The following SPAG16 variants were observed in gnomAD, a reference collection of about 807,000 sequenced individuals.
SPAG16 encodes sperm-associated antigen 16 protein.
In SPAG16, 86 loss-of-function variants were observed where a neutral mutation model predicts 80.4. That is an observed-to-expected ratio of 1.07 (90% CI 0.90 to 1.28). SPAG16 has a LOEUF of 1.28. SPAG16 is among the 50% of genes most tolerant of loss of function. SPAG16 has a pLI of 0.00. For missense variants in SPAG16, 870 were observed against 765.3 expected, an observed-to-expected ratio of 1.14 and a Z score of -1.61; for synonymous variants, 294 against 265.9, an observed-to-expected ratio of 1.11 and a Z score of -1.03.
intron 6 of SPAG16, among the ~76,000 whole-genome samples, chr2:213,344,270 C>T (rs1374004285): frequency 6.6e-6 from 1 of 152,114 alleles, no homozygotes; most frequent in South Asian, 2.1e-4. Flanking sequence ...AGTGCTTCCT[C>T]TACTGTCTGC....
chr2:214,173,717 T>A (rs976550656), intron 15 of SPAG16, among the ~76,000 whole-genome samples: 1 of 151,844 alleles, frequency 6.6e-6, no homozygotes, highest in African/African-American at 2.4e-5. Flanking sequence ...CCTCCCTAAC[T>A]CATTTTATGA....
chr2:214,202,585 C>CCCCAAAATCCATAGAGGT (rs2058039840), intron 15 of SPAG16, among the ~76,000 whole-genome samples: 2 of 152,114 alleles, frequency 1.3e-5, no homozygotes, highest in African/African-American at 4.8e-5. Context: ...AAGATTGAAG[C>CCCCAAAATCCATAGAGGT]CCCAAAATCC....
intron 8 of SPAG16, among the ~76,000 whole-genome samples, chr2:213,365,752 CCAAT>C (rs1448617342): frequency 6.6e-6 from 1 of 151,802 alleles, no homozygotes; most frequent in Non-Finnish European, 1.5e-5. Context: ...GCCACTGCGC[CCAAT>C]CAAAAATTTT....
intron 12 of SPAG16, among the ~76,000 whole-genome samples, chr2:213,942,593 C>T (rs535517843): frequency 2.3e-4 from 35 of 152,296 alleles, no homozygotes; most frequent in Admixed American, 2.2e-3. Flanking sequence ...GTGTTTGAAG[C>T]TTCAGTTGGG....
At chr2:213,934,913 C>T (rs906397350) in intron 12 of SPAG16, among the ~76,000 whole-genome samples, 1 of 152,046 alleles carries the variant, frequency 6.6e-6, no homozygotes, top group Non-Finnish European at 1.5e-5. Context: ...TAAGAAAATA[C>T]ACTTCCAGGC....
chr2:214,126,836 G>A (rs1281044415), intron 14 of SPAG16, among the ~76,000 whole-genome samples: 3 of 151,700 alleles, frequency 2.0e-5, no homozygotes, highest in Non-Finnish European at 2.9e-5. Flanking sequence ...ATCTTTGCTA[G>A]ATGATTTGTT....
At chr2:213,918,775 C>T (rs919794826) in intron 11 of SPAG16, among the ~76,000 whole-genome samples, 3 of 152,148 alleles carry the variant, frequency 2.0e-5, no homozygotes, top group African/African-American at 7.2e-5. Flanking sequence ...TGGACTAATA[C>T]ATAGACTTTT....
At chr2:214,088,773 T>C (rs2051959141) in intron 13 of SPAG16, among the ~76,000 whole-genome samples, 1 of 151,884 alleles carries the variant, frequency 6.6e-6, no homozygotes, top group Non-Finnish European at 1.5e-5. Context: ...TATGAATGAG[T>C]CCTCTCACCC....
intron 15 of SPAG16, among the ~76,000 whole-genome samples, chr2:214,182,811 T>C (rs1003474658): frequency 6.6e-6 from 1 of 151,942 alleles, no homozygotes; most frequent in Non-Finnish European, 1.5e-5. Context: ...TTATTGTACA[T>C]AAATATCAGA....
At chr2:213,915,878 C>T (rs535901206) in intron 11 of SPAG16, among the ~76,000 whole-genome samples, 18 of 152,040 alleles carry the variant, frequency 1.2e-4, no homozygotes, top group East Asian at 5.8e-4. Context: ...CCAGTGATGA[C>T]GAGCTTTTTT....
chr2:213,392,472 A>AT (rs894296989), intron 9 of SPAG16, among the ~76,000 whole-genome samples: 2 of 152,168 alleles, frequency 1.3e-5, no homozygotes, highest in African/African-American at 4.8e-5. Flanking sequence ...TTAGTTTTAC[A>AT]TTTTTTCAGT....
intron 15 of SPAG16, among the ~76,000 whole-genome samples, chr2:214,372,074 G>A (rs1215138367): frequency 1.3e-5 from 2 of 152,042 alleles, no homozygotes; most frequent in African/African-American, 4.8e-5. Context: ...CAGTCTCATT[G>A]TTCTCTCCTA....
chr2:213,446,816 G>T (rs1193081923), intron 9 of SPAG16, among the ~76,000 whole-genome samples: 1 of 152,082 alleles, frequency 6.6e-6, no homozygotes, highest in Non-Finnish European at 1.5e-5. Context: ...GTTACTATGG[G>T]TTATAAATAC....
At chr2:213,826,566 TATTGA>T (rs1286776483) in intron 10 of SPAG16, among the ~76,000 whole-genome samples, 1 of 152,026 alleles carries the variant, frequency 6.6e-6, no homozygotes, top group Non-Finnish European at 1.5e-5. Context: ...TTCTTCTTGT[TATTGA>T]ATTGTAGTTT....
chr2:214,135,972 A>T (rs1460367310), intron 14 of SPAG16, among the ~76,000 whole-genome samples: 1 of 152,142 alleles, frequency 6.6e-6, no homozygotes, highest in African/African-American at 2.4e-5. Context: ...TGGTGCTGTC[A>T]TCTGCTTTTG....
chr2:214,267,106 T>G (rs940043803), intron 15 of SPAG16, among the ~76,000 whole-genome samples: 2 of 151,576 alleles, frequency 1.3e-5, no homozygotes, highest in East Asian at 1.9e-4. Context: ...TGTATGGAAC[T>G]ACAAAAAATC....
intron 10 of SPAG16, among the ~76,000 whole-genome samples, chr2:213,695,254 C>T (rs1258008190): frequency 1.3e-5 from 2 of 152,150 alleles, no homozygotes; most frequent in African/African-American, 4.8e-5. Flanking sequence ...AACACATGAC[C>T]ATCAGGGCAA....
chr2:213,522,798 AATATAT>A (rs34910737), intron 10 of SPAG16, among the ~76,000 whole-genome samples: 1 of 146,770 alleles, frequency 6.8e-6, no homozygotes, highest in Non-Finnish European at 1.5e-5. Flanking sequence ...TTACATGCCA[AATATAT>A]ATATATATAT....
chr2:213,466,990 C>T (rs2072733554), intron 9 of SPAG16, among the ~76,000 whole-genome samples: 1 of 152,128 alleles, frequency 6.6e-6, no homozygotes, highest in Admixed American at 6.6e-5. Context: ...CCCTTTAGTT[C>T]CCTCAGGTAT....
Sources: gnomAD v4.1 joint callset for allele counts (sites outside exome capture counted in the v4.1 genomes callset) on GRCh38, gnomAD v4.1.1 for gene constraint, MANE v1.5 for transcripts, NCBI Gene and HGNC (gene_info 2026-07-23, HGNC 2026-07-21) for gene names.